The following XXYLT1 variants were observed in gnomAD, a reference collection of about 807,000 sequenced individuals.
The protein encoded by XXYLT1 is UDP-xylose:alpha-xyloside alpha-1,3-xylosyltransferase.
XXYLT1 carries 20 observed loss-of-function variants against 28.9 expected under a neutral mutation model. The observed-to-expected ratio is 0.69, with a 90% CI of 0.49 to 1.00. The LOEUF is 1.00. Ranked by LOEUF, XXYLT1 falls within the 50% of genes least tolerant of loss-of-function variation. XXYLT1 has a pLI of 0.00. For synonymous variants in XXYLT1, 257 were observed against 253.8 expected (o/e 1.01, Z -0.12); for missense variants, 542 against 560.1 (o/e 0.97, Z 0.33).
intron 3 of XXYLT1, among the ~76,000 whole-genome samples, chr3:195,120,965 G>T (rs1718326509): frequency 6.6e-6 from 1 of 152,200 alleles, no homozygotes; most frequent in Non-Finnish European, 1.5e-5. Context: ...ACCTCCCTGG[G>T]GCTCACAGGC....
At chr3:195,127,019 G>A (rs1313441116) in intron 3 of XXYLT1, among the ~76,000 whole-genome samples, 1 of 152,206 alleles carries the variant, frequency 6.6e-6, no homozygotes, top group African/African-American at 2.4e-5. Context: ...TTTACAGAAT[G>A]TTCCCTCTGT....
At chr3:195,105,662 G>A (rs952693197) in intron 3 of XXYLT1, among the ~76,000 whole-genome samples, 6 of 152,298 alleles carry the variant, frequency 3.9e-5, no homozygotes, top group Admixed American at 1.3e-4. Flanking sequence ...CTGCGCCTCC[G>A]CGTCCACTCA....
chr3:195,177,832 G>C (rs78656569), intron 2 of XXYLT1, among the ~76,000 whole-genome samples: 2,627 of 152,004 alleles, frequency 0.017, 83 homozygotes, highest in African/African-American at 0.059. Context: ...CTACTCAGGA[G>C]GCTGAAGTGG....
At chr3:195,127,391 G>A (rs906426018) in intron 3 of XXYLT1, among the ~76,000 whole-genome samples, 10 of 152,278 alleles carry the variant, frequency 6.6e-5, no homozygotes, top group South Asian at 2.1e-4. Flanking sequence ...TTTAATTCAC[G>A]TATTTGTATT....
chr3:195,139,962 C>T (rs1719399596), intron 3 of XXYLT1, among the ~76,000 whole-genome samples: 1 of 152,190 alleles, frequency 6.6e-6, no homozygotes, highest in African/African-American at 2.4e-5. Context: ...TCTCCCGAGC[C>T]CTACGTGCTG....
chr3:195,194,240 T>TTA (rs980215396), intron 2 of XXYLT1, among the ~76,000 whole-genome samples: 2 of 150,680 alleles, frequency 1.3e-5, no homozygotes, highest in East Asian at 1.9e-4. Context: ...AATATATATA[T>TTA]TATATATATA....
chr3:195,146,089 A>G (rs536679150), intron 3 of XXYLT1, among the ~76,000 whole-genome samples: 1 of 152,340 alleles, frequency 6.6e-6, no homozygotes, highest in African/African-American at 2.4e-5. Flanking sequence ...GGAACTTCAG[A>G]TCCGTTTCAC....
At chr3:195,089,079 G>A (rs1715982791) in intron 3 of XXYLT1, among the ~76,000 whole-genome samples, 1 of 151,390 alleles carries the variant, frequency 6.6e-6, no homozygotes, top group Admixed American at 6.6e-5. Flanking sequence ...TGGGGAGAAT[G>A]GAACCAAGTT....
In XXYLT1 at chr3:195,164,969, G is replaced by C. The variant is rs1577098609; in HGVS notation, c.653-8388C>G. Reference sequence around the variant, plus strand: ...GTGGGGACTTCTGCTCCATTGGAAGGGGAGAGTCTGTATTTCCAGTGAAAA... The same window carrying C: ...GTGGGGACTTCTGCTCCATTGGAAGCGGAGAGTCTGTATTTCCAGTGAAAA... On this transcript the variant is annotated intron_variant, in intron 2 of 3. Coordinates refer to ENST00000310380, the MANE Select transcript of XXYLT1 (RefSeq NM_152531.5). Among the ~76,000 whole-genome samples, 4 of 152,146 alleles carry C rather than the reference G, an allele frequency of 2.6e-5. 1 individual carries two copies. Among genetic ancestry groups the C allele is most frequent in the Admixed American group, 2.6e-4 (4 of 15,280 alleles).
intron 1 of XXYLT1, among the ~76,000 whole-genome samples, chr3:195,230,708 C>T: frequency 6.6e-6 from 1 of 152,024 alleles, no homozygotes; most frequent in East Asian, 1.9e-4. Context: ...GGATTTATTC[C>T]TGGGTTCTCT....
At chr3:195,237,177 T>G (rs1724585032) in intron 1 of XXYLT1, among the ~76,000 whole-genome samples, 2 of 151,576 alleles carry the variant, frequency 1.3e-5, no homozygotes, top group Admixed American at 6.5e-5. Context: ...GGTGTTGCAG[T>G]CCTTGTGGCC....
chr3:195,235,652 T>C (rs1371659135), intron 1 of XXYLT1, among the ~76,000 whole-genome samples: 1 of 152,160 alleles, frequency 6.6e-6, no homozygotes. Context: ...TTTGTACTCA[T>C]CCTTCTTGGG....
At chr3:195,085,804 C>T (rs1002621851) in intron 3 of XXYLT1, 2 of 152,626 alleles carry the variant, frequency 1.3e-5, no homozygotes, top group African/African-American at 2.4e-5. Context: ...GAGCACTCAC[C>T]TCATACCCAA....
Position 195,088,362 on chromosome 3 carries a change from A to C in XXYLT1, c.786-18251T>G, listed in dbSNP as rs554037253. On this transcript the variant is annotated intron_variant, in intron 3 of 3. Transcript: ENST00000310380. ...TGAGAACGGGCAGACTGCCTCCTCA[A>C]GTGGGTCCCTGACCCCTGACCCCCG... Among the ~76,000 whole-genome samples, 10 of 148,140 alleles carry C rather than the reference A, an allele frequency of 6.8e-5. 1 individual carries two copies. The highest frequency in any genetic ancestry group is 1.4e-4 in the Non-Finnish European group (9 of 66,216).
intron 2 of XXYLT1, among the ~76,000 whole-genome samples, chr3:195,218,940 A>T (rs1350523786): frequency 6.6e-6 from 1 of 151,760 alleles, no homozygotes; most frequent in Non-Finnish European, 1.5e-5. Context: ...GATAGACTGG[A>T]TTAAGAAAAT....
At chr3:195,225,127 G>A (rs1577168069) in intron 2 of XXYLT1, among the ~76,000 whole-genome samples, 1 of 152,298 alleles carries the variant, frequency 6.6e-6, no homozygotes, top group East Asian at 1.9e-4. Context: ...AGCTTCACCT[G>A]TAACCCCACA....
At chr3:195,212,238 G>A (rs1423962663) in intron 2 of XXYLT1, among the ~76,000 whole-genome samples, 1 of 152,222 alleles carries the variant, frequency 6.6e-6, no homozygotes, top group African/African-American at 2.4e-5. Context: ...GGTAGGGTGA[G>A]TGACAGCACA....
chr3:195,143,439 AAC>A (rs1191407543), intron 3 of XXYLT1, among the ~76,000 whole-genome samples: 15 of 152,188 alleles, frequency 9.9e-5, no homozygotes, highest in Non-Finnish European at 1.5e-5. Flanking sequence ...TTACGTTAAC[AAC>A]ACAGAGTTCC....
chr3:195,098,893 T>G (rs1716608185), intron 3 of XXYLT1, among the ~76,000 whole-genome samples: 1 of 152,220 alleles, frequency 6.6e-6, no homozygotes, highest in Admixed American at 6.5e-5. Context: ...CTCAGGGCTT[T>G]CCGTCCCATG....
Sources: gnomAD v4.1 joint callset for allele counts (sites outside exome capture counted in the v4.1 genomes callset) on GRCh38, gnomAD v4.1.1 for gene constraint, MANE v1.5 for transcripts, NCBI Gene and HGNC (gene_info 2026-07-23, HGNC 2026-07-21) for gene names.